The following COLEC12 variants were observed in gnomAD, a reference collection of about 807,000 sequenced individuals.
COLEC12 encodes collectin-12.
COLEC12 carries 33 observed loss-of-function variants against 71.1 expected under a neutral mutation model. That is an observed-to-expected ratio of 0.46 (90% CI 0.35 to 0.62). The LOEUF (loss-of-function observed/expected upper bound fraction) is 0.62, where lower values mean the gene tolerates loss of function less well. COLEC12 is among the 20% of genes least tolerant of loss of function. COLEC12 has a pLI of 0.00. For missense variants in COLEC12, 765 were observed against 916.1 expected (o/e 0.84, Z 2.13); for synonymous variants, 350 against 353.0 (o/e 0.99, Z 0.10).
intron 8 of COLEC12, among the ~76,000 whole-genome samples, chr18:322,850 A>G (rs546203601): frequency 6.6e-6 from 1 of 152,154 alleles, no homozygotes; most frequent in Admixed American, 6.5e-5. Flanking sequence ...GCGGGAAAGG[A>G]CAGTTGAAGT....
Position 359,740 on chromosome 18 carries a change from C to T in COLEC12, c.59-2218G>A, listed in dbSNP as rs147459951. Among the ~76,000 whole-genome samples, 190 of 152,228 alleles carry T rather than the reference C, an allele frequency of 1.2e-3. 1 individual carries two copies. Among genetic ancestry groups the T allele is most frequent in the African/African-American group, 4.3e-3 (178 of 41,528 alleles). Reference sequence around the variant, plus strand: ...ATTCCCTGTTTTCCTGACCTGTTTCCCTATGTGTGTCTTACTAATAGCGTC... The same window carrying T: ...ATTCCCTGTTTTCCTGACCTGTTTCTCTATGTGTGTCTTACTAATAGCGTC... On this transcript the variant is annotated intron_variant, in intron 2 of 9. Coordinates refer to ENST00000400256, the MANE Select transcript of COLEC12 (RefSeq NM_130386.3).
intron 2 of COLEC12, among the ~76,000 whole-genome samples, chr18:381,338 C>A (rs1039973596): frequency 6.6e-6 from 1 of 152,124 alleles, no homozygotes; most frequent in Non-Finnish European, 1.5e-5. Flanking sequence ...GGTTTCTGTT[C>A]ACGTCAACAT....
At chr18:360,466 T>C (rs1274850853) in intron 2 of COLEC12, among the ~76,000 whole-genome samples, 2 of 152,136 alleles carry the variant, frequency 1.3e-5, no homozygotes, top group African/African-American at 4.8e-5. Context: ...GCTGGGAGTA[T>C]AGGTGTGAGC....
intron 2 of COLEC12, among the ~76,000 whole-genome samples, chr18:413,511 G>GA (rs35258960): frequency 0.79 from 120,568 of 152,074 alleles, 48,839 homozygotes; most frequent in Admixed American, 0.87. Context: ...TTATTCTAGA[G>GA]AAGGATGATT....
chr18:438,992 G>C (rs1050751299), intron 2 of COLEC12, among the ~76,000 whole-genome samples: 1 of 152,082 alleles, frequency 6.6e-6, no homozygotes, highest in African/African-American at 2.4e-5. Context: ...TTTTGGAGAG[G>C]AAGTGGCTGC....
chr18:325,258 T>C (rs913946378), intron 8 of COLEC12, among the ~76,000 whole-genome samples: 2 of 152,178 alleles, frequency 1.3e-5, no homozygotes, highest in Non-Finnish European at 2.9e-5. Context: ...GCAGTCTGCA[T>C]AGACAGAAAG....
intron 2 of COLEC12, among the ~76,000 whole-genome samples, chr18:464,909 C>T (rs8099741): frequency 0.29 from 44,141 of 152,106 alleles, 6,611 homozygotes; most frequent in Middle Eastern, 0.37. Context: ...TGCTCAGCAC[C>T]AAGGCTGGGG....
chr18:342,114 A>G (rs1476764399), intron 5 of COLEC12, among the ~76,000 whole-genome samples: 1 of 152,096 alleles, frequency 6.6e-6, no homozygotes, highest in Non-Finnish European at 1.5e-5. Flanking sequence ...CTAGAGTGCA[A>G]TGGTGAGATC....
chr18:392,928 C>A (rs1159573009), intron 2 of COLEC12, among the ~76,000 whole-genome samples: 1 of 152,236 alleles, frequency 6.6e-6, no homozygotes, highest in Non-Finnish European at 1.5e-5. Flanking sequence ...TTCTTGAGGT[C>A]TTCACCAATG....
chr18:397,073 T>C (rs1358168382), intron 2 of COLEC12, among the ~76,000 whole-genome samples: 1 of 152,232 alleles, frequency 6.6e-6, no homozygotes, highest in African/African-American at 2.4e-5. Flanking sequence ...TTGTGTCTAC[T>C]TTCCCTGGAT....
intron 2 of COLEC12, among the ~76,000 whole-genome samples, chr18:419,305 A>C (rs1277378933): frequency 6.6e-6 from 1 of 152,128 alleles, no homozygotes; most frequent in Admixed American, 6.6e-5. Context: ...TCCTGGGTTC[A>C]AGCAATTCTC....
chr18:392,485 A>G (rs1403933484), intron 2 of COLEC12, among the ~76,000 whole-genome samples: 2 of 152,248 alleles, frequency 1.3e-5, no homozygotes, highest in Non-Finnish European at 2.9e-5. Context: ...TTTATAAATT[A>G]TACCATGTTA....
rs576694466 is a variant in COLEC12 at position 347,522 on chromosome 18, C to T, written c.281-181G>A. Among the ~76,000 whole-genome samples, 38 of 152,170 alleles carry T rather than the reference C, an allele frequency of 2.5e-4. No individual in the cohort carries two copies. The South Asian group carries it at 6.2e-3, about 25-fold the overall frequency. ...CTATTAAAACTGGGTCCTGGGGAAT[C>T]GGAAAAGAAGCTCAGAACTAGGAAT... On this transcript the variant is annotated intron_variant, in intron 4 of 9. Transcript: ENST00000400256.
chr18:499,646 C>G (rs1917780773), intron 1 of COLEC12, among the ~76,000 whole-genome samples: 1 of 152,222 alleles, frequency 6.6e-6, no homozygotes, highest in Admixed American at 6.5e-5. Context: ...CGGGCCCATT[C>G]CTGAACGACT....
In COLEC12 at chr18:334,725, G is replaced by A. The variant is rs1914065936; in HGVS notation, c.1816+17C>T. ...CACTGCCCTGTCCCCCTGGCTGGAG[G>A]GAGGGCTTGGACTTACCATTGTCCT... On this transcript the variant is annotated intron_variant, in intron 6 of 9. Coordinates refer to ENST00000400256, the MANE Select transcript of COLEC12 (RefSeq NM_130386.3). The A allele has an allele frequency of 6.9e-7, 1 of 1,453,962 alleles. No individual in the cohort carries two copies. The highest frequency in any genetic ancestry group is 9.0e-7 in the Non-Finnish European group (1 of 1,106,530). The allele number at this position is 1,453,962 out of a possible 1,614,324, so 90.1% of individuals were successfully genotyped here.
chr18:480,643 T>A lies in COLEC12; in HGVS notation c.58+64A>T. The A allele has an allele frequency of 7.0e-7, 1 of 1,430,718 alleles. No individual in the cohort carries two copies. The highest frequency in any genetic ancestry group is 2.3e-5 in the East Asian group (1 of 43,990). The allele number at this position is 1,430,718 out of a possible 1,614,324, so 88.6% of individuals were successfully genotyped here. On this transcript the variant is annotated intron_variant, in intron 2 of 9. Coordinates refer to ENST00000400256, the MANE Select transcript of COLEC12 (RefSeq NM_130386.3). The surrounding 1 kb of genome is among the most constrained non-coding windows in gnomAD (Gnocchi z 4.1). ...CTGCCAGTGGCCTGCCAATGGTCTC[T>A]GAGGGTTCGTGGCTGCATCCCAGGT...
intron 5 of COLEC12, among the ~76,000 whole-genome samples, chr18:342,418 G>A (rs944664819): frequency 1.3e-5 from 2 of 152,232 alleles, no homozygotes; most frequent in African/African-American, 4.8e-5. Context: ...TGCGGCAAAT[G>A]TCTATATGGC....
chr18:440,445 G>A (rs576553395), intron 2 of COLEC12, among the ~76,000 whole-genome samples: 2 of 151,812 alleles, frequency 1.3e-5, no homozygotes, highest in Admixed American at 1.3e-4. Flanking sequence ...TAATATTTAT[G>A]GTAACCATTT....
intron 2 of COLEC12, among the ~76,000 whole-genome samples, chr18:412,239 T>C (rs563566718): frequency 6.6e-6 from 1 of 152,264 alleles, no homozygotes; most frequent in South Asian, 2.1e-4. Flanking sequence ...ACCTTACTTA[T>C]ATTGGAAAGA....
Sources: gnomAD v4.1 joint callset for allele counts (sites outside exome capture counted in the v4.1 genomes callset) on GRCh38, gnomAD v4.1.1 for gene constraint, Gnocchi (gnomAD v3.1) non-coding constraint, MANE v1.5 for transcripts, NCBI Gene and HGNC (gene_info 2026-07-23, HGNC 2026-07-21) for gene names.